The following MLPH variants were observed in gnomAD, a reference collection of about 807,000 sequenced individuals.
The protein encoded by MLPH is exophilin-3.
A neutral mutation model predicts 72.1 loss-of-function variants in MLPH; 51 were observed. That is an observed-to-expected ratio of 0.71 (90% CI 0.56 to 0.89). MLPH has a LOEUF of 0.89. Among genes scored for constraint, MLPH ranks in the 40% least tolerant of loss-of-function variants. The pLI is 0.00. For missense variants in MLPH, 743 were observed against 759.9 expected, an observed-to-expected ratio of 0.98 and a Z score of 0.26; for synonymous variants, 301 against 310.1, an observed-to-expected ratio of 0.97 and a Z score of 0.31.
chr2:237,499,633 G>C (rs1390126406), intron 2 of MLPH, among the ~76,000 whole-genome samples: 1 of 152,190 alleles, frequency 6.6e-6, no homozygotes, highest in Admixed American at 6.5e-5. Flanking sequence ...ACAATAGGTT[G>C]CTCAGCACCC....
At chr2:237,549,707 G>C (rs1442742575) in intron 14 of MLPH, among the ~76,000 whole-genome samples, 2 of 152,130 alleles carry the variant, frequency 1.3e-5, no homozygotes, top group Non-Finnish European at 1.5e-5. Flanking sequence ...TGGGGTATCT[G>C]TGTGCTCATC....
intron 8 of MLPH, among the ~76,000 whole-genome samples, chr2:237,532,486 C>T (rs534367583): frequency 2.2e-4 from 33 of 152,354 alleles, no homozygotes; most frequent in African/African-American, 6.7e-4. Flanking sequence ...TCCCAAGGGC[C>T]GGCCCTGGGG....
intron 2 of MLPH, among the ~76,000 whole-genome samples, chr2:237,493,846 A>G (rs908082914): frequency 6.6e-6 from 1 of 152,210 alleles, no homozygotes; most frequent in African/African-American, 2.4e-5. Context: ...AAGGTGATAC[A>G]TGGGGAAAGT....
At chr2:237,489,539 G>A (rs6713555) in intron 1 of MLPH, among the ~76,000 whole-genome samples, 39,252 of 152,142 alleles carry the variant, frequency 0.26, 5,167 homozygotes, top group South Asian at 0.35. Context: ...TGACCTGGAC[G>A]GCAGCATTCG....
intron 2 of MLPH, among the ~76,000 whole-genome samples, chr2:237,504,445 T>A (rs1574842283): frequency 6.6e-6 from 1 of 152,230 alleles, no homozygotes; most frequent in African/African-American, 2.4e-5. Context: ...CTCGAACTCC[T>A]GACCTCAGGT....
Position 237,525,716 on chromosome 2 carries a change from G to A in MLPH, c.791G>A (p.Ser264Asn), listed in dbSNP as rs545759033. 5.0e-6 allele frequency: 8 copies of A among 1,614,172 alleles called. No individual in the cohort carries two copies. The African/African-American group carries it at 1.1e-4, about 22-fold the overall frequency. Reference protein sequence around the residue: ...CHSHPEEQPTSISPSRHGALA... With the variant: ...CHSHPEEQPTNISPSRHGALA... ...TCCCATCCGGAAGAGCAGCCGACCA[G>A]CATCTCACCTTCCAGACACGGCGCC... Residue 264 changes from serine (S) to asparagine (N), a missense_variant, in exon 7 of 16, where the codon AGC (serine) becomes AAC (asparagine). Coordinates refer to ENST00000264605, the MANE Select transcript of MLPH (RefSeq NM_024101.7).
intron 5 of MLPH, 108 bp from the exon 6 acceptor site, chr2:237,519,802 C>T: frequency 1.3e-6 from 2 of 1,521,498 alleles, no homozygotes; most frequent in African/African-American, 1.4e-5. Context: ...GAGGAGCCTG[C>T]CCCGCCCCTC....
At chr2:237,550,144 G>A (rs1288363411) in intron 14 of MLPH, among the ~76,000 whole-genome samples, 1 of 152,122 alleles carries the variant, frequency 6.6e-6, no homozygotes, top group Non-Finnish European at 1.5e-5. Context: ...TTGCCTCCAC[G>A]CCTGGGTGTG....
intron 6 of MLPH, among the ~76,000 whole-genome samples, chr2:237,525,242 C>T (rs939430651): frequency 1.3e-5 from 2 of 152,204 alleles, no homozygotes; most frequent in Admixed American, 1.3e-4. Flanking sequence ...AAAATATTAA[C>T]TTCCCTGCCC....
rs946186155 is a variant in MLPH at position 237,520,234 on chromosome 2, G to A, written c.675+205G>A. ...CACTCCCCCAGGATTAGCATGTCTG[G>A]AGATATGAGCAGGCAGCTTGGAGAA... On this transcript the variant is annotated intron_variant, in intron 6 of 15. Transcript: ENST00000264605. Among the ~76,000 whole-genome samples, 9 of 152,312 alleles carry A rather than the reference G, an allele frequency of 5.9e-5. No individual in the cohort carries two copies. In the East Asian group the frequency reaches 1.7e-3, roughly 29 times the overall value.
intron 2 of MLPH, among the ~76,000 whole-genome samples, chr2:237,509,511 G>T (rs1320474299): frequency 6.6e-6 from 1 of 152,190 alleles, no homozygotes; most frequent in African/African-American, 2.4e-5. Flanking sequence ...TTCCCATCTG[G>T]CTCCAGGGAC....
At chr2:237,542,536 G>T in intron 11 of MLPH, 31 bp from the exon 12 acceptor site, 1 of 1,547,056 alleles carries the variant, frequency 6.5e-7, no homozygotes, top group South Asian at 1.2e-5. Context: ...GCGTCTGTCT[G>T]ACGGGCCTTC....
Position 237,542,637 on chromosome 2 carries a change from C to A in MLPH, c.1517C>A (p.Pro506His), listed in dbSNP as rs1441495877. 6.3e-7 allele frequency: 1 copy of A among 1,590,998 alleles called. No homozygotes were observed. Among genetic ancestry groups the A allele is most frequent in the Non-Finnish European group, 8.5e-7 (1 of 1,169,756 alleles). ...CTCACGGTGAAGCCCTCGGGAAAGCCCCGGAGGAAGTCAAACCTCCCGGTG... is the reference window on the plus strand; with the variant it reads ...CTCACGGTGAAGCCCTCGGGAAAGCACCGGAGGAAGTCAAACCTCCCGGTG... The part of the protein sequence containing the change: ...AGLTVKPSGK[P>H]RRKSNLPIFL... The change falls in exon 12 of 16, where the codon CCC becomes CAC. Residue 506 changes from proline to histidine, a missense_variant. By Grantham distance (77) the Pro-to-His change is moderately conservative. Transcript: ENST00000264605.
chr2:237,523,835 C>T (rs550435059), intron 6 of MLPH, among the ~76,000 whole-genome samples: 5 of 152,044 alleles, frequency 3.3e-5, no homozygotes, highest in African/African-American at 7.3e-5. Flanking sequence ...TTACTGATAG[C>T]GGGTAAAGCA....
chr2:237,499,021 G>A (rs2079592495), intron 2 of MLPH, among the ~76,000 whole-genome samples: 1 of 151,978 alleles, frequency 6.6e-6, no homozygotes, highest in Non-Finnish European at 1.5e-5. Context: ...TTAGTTTGAA[G>A]CCTCCTCTTT....
chr2:237,493,986 G>T (rs1294676961), intron 2 of MLPH, among the ~76,000 whole-genome samples: 1 of 152,162 alleles, frequency 6.6e-6, no homozygotes, highest in Non-Finnish European at 1.5e-5. Flanking sequence ...GCACGGTTTT[G>T]TTCCACTCTG....
At chr2:237,524,183 A>G (rs1198141578) in intron 6 of MLPH, among the ~76,000 whole-genome samples, 2 of 151,752 alleles carry the variant, frequency 1.3e-5, no homozygotes, top group African/African-American at 4.9e-5. Flanking sequence ...GATTATTAGT[A>G]GTAATAGGGC....
intron 6 of MLPH, 41 bp from the exon 7 acceptor site, chr2:237,525,560 A>T: frequency 6.2e-7 from 1 of 1,601,106 alleles, no homozygotes; most frequent in Non-Finnish European, 8.6e-7. Flanking sequence ...GGCCCCTCCT[A>T]GTAAACCCTG....
chr2:237,498,785 A>G (rs2079588076), intron 2 of MLPH, among the ~76,000 whole-genome samples: 1 of 152,248 alleles, frequency 6.6e-6, no homozygotes, highest in Non-Finnish European at 1.5e-5. Flanking sequence ...GCCTCCCACG[A>G]GGACACAGTG....
Sources: allele counts gnomAD v4.1 joint callset (sites outside exome capture counted in the v4.1 genomes callset), GRCh38; gene constraint gnomAD v4.1.1; transcripts MANE v1.5; gene names NCBI Gene and HGNC (gene_info 2026-07-23, HGNC 2026-07-21).